The following VAV2 variants were observed in gnomAD, a reference collection of about 807,000 sequenced individuals.
VAV2 encodes guanine nucleotide exchange factor VAV2.
A neutral mutation model predicts 132.5 loss-of-function variants in VAV2; 67 were observed. The observed-to-expected ratio is 0.51, with a 90% CI of 0.42 to 0.62. The LOEUF is 0.62. Ranked by LOEUF, VAV2 falls within the 20% of genes least tolerant of loss-of-function variation. The pLI is 0.00. For missense variants in VAV2, 938 were observed against 1,153.6 expected (o/e 0.81, Z 2.71); for synonymous variants, 492 against 443.5 (o/e 1.11, Z -1.37).
At chr9:133,850,688 C>A (rs937233989) in intron 3 of VAV2, among the ~76,000 whole-genome samples, 3 of 152,166 alleles carry the variant, frequency 2.0e-5, no homozygotes, top group Non-Finnish European at 4.4e-5. Context: ...AGCAGGGCCC[C>A]GTGAGCCCAC....
intron 2 of VAV2, among the ~76,000 whole-genome samples, chr9:133,930,130 T>C (rs899023020): frequency 1.3e-5 from 2 of 152,192 alleles, no homozygotes; most frequent in Non-Finnish European, 2.9e-5. Context: ...GCATCCTCTA[T>C]AGACTGCTGG....
At chr9:133,861,223 G>C in intron 3 of VAV2, 151 bp downstream of exon 3, 14 of 663,532 alleles carry the variant, frequency 2.1e-5, no homozygotes, top group East Asian at 4.0e-5. Context: ...TCCTGCAGCC[G>C]CCAACGGGTT....
chr9:133,938,258 C>G (rs535043714), intron 2 of VAV2, among the ~76,000 whole-genome samples: 1 of 152,216 alleles, frequency 6.6e-6, no homozygotes. Context: ...CAACAGCAGG[C>G]GGGGGCCTGG....
intron 4 of VAV2, among the ~76,000 whole-genome samples, chr9:133,812,441 C>CA (rs1336637609): frequency 6.6e-6 from 1 of 152,246 alleles, no homozygotes; most frequent in Admixed American, 6.5e-5. Flanking sequence ...CTGCTGCCTC[C>CA]ACTAGGTGCA....
chr9:133,775,460 G>A (rs972049216), intron 24 of VAV2, among the ~76,000 whole-genome samples: 1 of 152,248 alleles, frequency 6.6e-6, no homozygotes, highest in African/African-American at 2.4e-5. Flanking sequence ...AACTGCTTAT[G>A]TGGATTTTTT....
At chr9:133,796,562 A>G in intron 10 of VAV2, 38 bp from the exon 11 acceptor site, 1 of 1,587,184 alleles carries the variant, frequency 6.3e-7, no homozygotes, top group Non-Finnish European at 8.6e-7. Flanking sequence ...GCCCTCCCCG[A>G]GGAAAGCCTG....
intron 26 of VAV2, among the ~76,000 whole-genome samples, chr9:133,771,560 G>T (rs1176300453): frequency 6.6e-6 from 1 of 152,226 alleles, no homozygotes; most frequent in Non-Finnish European, 1.5e-5. Context: ...GGGTGGGGGT[G>T]AGTCGGAGAA....
At chr9:133,806,469 CG>C (rs1327797921) in intron 8 of VAV2, among the ~76,000 whole-genome samples, 1 of 152,212 alleles carries the variant, frequency 6.6e-6, no homozygotes, top group Admixed American at 6.5e-5. Flanking sequence ...CTGCAGACAG[CG>C]TGGGGCGGCA....
chr9:133,979,512 G>A (rs549826224), intron 1 of VAV2, among the ~76,000 whole-genome samples: 8 of 152,302 alleles, frequency 5.3e-5, no homozygotes, highest in Middle Eastern at 3.4e-3. Context: ...CGCCGCAGCC[G>A]TCCGGAACTC....
chr9:133,826,757 C>G lies in VAV2; in HGVS notation c.449+7515G>C, dbSNP rs1024948341. 1.3e-5 allele frequency among the ~76,000 whole-genome samples: 2 copies of G among 152,152 alleles called. No individual in the cohort carries two copies. The highest frequency in any genetic ancestry group is 1.3e-4 in the Admixed American group (2 of 15,274). ...GAGCTTTCAAATTTCTCCCGTGTCC[C>G]TTCAATTCCCCTAAGAATTCTCGGG... On this transcript the variant is annotated intron_variant, in intron 4 of 29. Transcript: ENST00000371850. This position sits in a 1 kb window ranked among gnomAD's most constrained non-coding sequence, Gnocchi z 4.2.
rs41302915 is a variant in VAV2 at position 133,810,180 on chromosome 9, G to C, written c.567+11C>G. 1.2e-6 allele frequency: 2 copies of C among 1,613,164 alleles called. No individual in the cohort carries two copies. The highest frequency in any genetic ancestry group is 1.7e-5 in the Admixed American group (1 of 59,984). Reference sequence around the variant, plus strand: ...CAGGACGTCCCCAGCCTCCCCTTCCGGGCCACTCACCTGCATGTATCTAAT... The same window carrying C: ...CAGGACGTCCCCAGCCTCCCCTTCCCGGCCACTCACCTGCATGTATCTAAT... On this transcript the variant is annotated intron_variant, in intron 6 of 29. Coordinates refer to ENST00000371850, the MANE Select transcript of VAV2 (RefSeq NM_001134398.2).
At chr9:133,861,705 C>G (rs1201669891) in intron 2 of VAV2, among the ~76,000 whole-genome samples, 1 of 152,330 alleles carries the variant, frequency 6.6e-6, no homozygotes, top group East Asian at 1.9e-4. Flanking sequence ...TGCTTCTCAC[C>G]CAGAAAGGGT....
chr9:133,832,824 A>G (rs115574373), intron 4 of VAV2, among the ~76,000 whole-genome samples: 5,639 of 152,012 alleles, frequency 0.037, 327 homozygotes, highest in African/African-American at 0.13. Context: ...CTCCCCAAAA[A>G]ATGCTGGGAT....
chr9:133,941,102 C>CG (rs1841133109), intron 1 of VAV2, among the ~76,000 whole-genome samples: 1 of 152,070 alleles, frequency 6.6e-6, no homozygotes, highest in Non-Finnish European at 1.5e-5. Context: ...CTGTGCCCAC[C>CG]AAACACTCAA....
intron 8 of VAV2, among the ~76,000 whole-genome samples, chr9:133,806,742 C>T (rs867209310): frequency 4.6e-5 from 7 of 152,250 alleles, no homozygotes; most frequent in Admixed American, 3.3e-4. Context: ...GCACGGGCTG[C>T]TGGCACCTGT....
intron 4 of VAV2, among the ~76,000 whole-genome samples, chr9:133,820,812 T>A (rs1225284465): frequency 6.6e-6 from 1 of 151,982 alleles, no homozygotes; most frequent in African/African-American, 2.4e-5. Context: ...CACTGAGGGG[T>A]CTGAAGTCTC....
At chr9:133,799,339 C>T (rs950454444) in intron 9 of VAV2, among the ~76,000 whole-genome samples, 1 of 152,208 alleles carries the variant, frequency 6.6e-6, no homozygotes, top group African/African-American at 2.4e-5. Flanking sequence ...CAGCGCTGCG[C>T]GTGGGGTCCA....
rs945766849 is a variant in VAV2 at position 133,833,921 on chromosome 9, G to A, written c.449+351C>T. Reference sequence around the variant, plus strand: ...TCCCAGGACCCGGCTTGGGGAGCATGGCCAGCCCCCTCTCTGCCCCACAGC... The same window carrying A: ...TCCCAGGACCCGGCTTGGGGAGCATAGCCAGCCCCCTCTCTGCCCCACAGC... On this transcript the variant is annotated intron_variant, in intron 4 of 29. Coordinates refer to ENST00000371850, the MANE Select transcript of VAV2 (RefSeq NM_001134398.2). The surrounding 1 kb of genome is among the most constrained non-coding windows in gnomAD (Gnocchi z 5.6). Among the ~76,000 whole-genome samples the A allele has an allele frequency of 6.6e-6, 1 of 152,146 alleles. No individual in the cohort carries two copies. Among genetic ancestry groups the A allele is most frequent in the Non-Finnish European group, 1.5e-5 (1 of 68,010 alleles).
chr9:133,835,748 C>T (rs1258029034), intron 3 of VAV2, among the ~76,000 whole-genome samples: 1 of 152,166 alleles, frequency 6.6e-6, no homozygotes, highest in East Asian at 1.9e-4. Context: ...AACCGGAGGC[C>T]GGGGACCTGT....
Sources: gnomAD v4.1 joint callset for allele counts (sites outside exome capture counted in the v4.1 genomes callset) on GRCh38, gnomAD v4.1.1 for gene constraint, Gnocchi (gnomAD v3.1) non-coding constraint, MANE v1.5 for transcripts, NCBI Gene and HGNC (gene_info 2026-07-23, HGNC 2026-07-21) for gene names.